The following PPFIBP1 variants were observed in gnomAD, a reference collection of about 807,000 sequenced individuals.
PPFIBP1 encodes liprin-beta-1.
PPFIBP1 carries 112 observed loss-of-function variants against 137.8 expected under a neutral mutation model. That is an observed-to-expected ratio of 0.81 (90% CI 0.70 to 0.95). The LOEUF (loss-of-function observed/expected upper bound fraction) is 0.95. PPFIBP1 is among the 40% of genes least tolerant of loss of function. PPFIBP1 has a pLI of 0.00. For synonymous variants in PPFIBP1, 378 were observed against 417.3 expected (o/e 0.91, Z 1.15); for missense variants, 1,083 against 1,196.6 (o/e 0.91, Z 1.40).
intron 1 of PPFIBP1, among the ~76,000 whole-genome samples, chr12:27,570,301 A>G (rs1166910101): frequency 6.6e-6 from 1 of 152,190 alleles, no homozygotes; most frequent in Non-Finnish European, 1.5e-5. Flanking sequence ...CCCTAATAAT[A>G]AAATAGCTGG....
At chr12:27,685,883 A>G (rs2140455232) in intron 24 of PPFIBP1, among the ~76,000 whole-genome samples, 1 of 152,328 alleles carries the variant, frequency 6.6e-6, no homozygotes, top group South Asian at 2.1e-4. Flanking sequence ...TAAAATAAAA[A>G]GTTTTAAAAA....
chr12:27,688,595 T>C (rs1260700407), intron 26 of PPFIBP1, among the ~76,000 whole-genome samples, 172 bp downstream of exon 26: 5 of 152,274 alleles, frequency 3.3e-5, no homozygotes, highest in Non-Finnish European at 7.3e-5. Flanking sequence ...CTTATAACTC[T>C]AGATTGAATT....
At chr12:27,548,330 G>T (rs1350732216) in intron 1 of PPFIBP1, 1 of 152,190 alleles carries the variant, frequency 6.6e-6, no homozygotes, top group Non-Finnish European at 1.5e-5. Flanking sequence ...CTTCCAGGGG[G>T]CCCTGGGGAT....
Position 27,673,813 on chromosome 12 carries a change from G to A in PPFIBP1, c.1366G>A (p.Glu456Lys). 1 of 1,613,628 alleles carries A rather than the reference G, an allele frequency of 6.2e-7. No individual in the cohort carries two copies. The highest frequency in any genetic ancestry group is 8.5e-7 in the Non-Finnish European group (1 of 1,179,680). ...CAGCAGCCTGGGCAATCTGAAGAAA[G>A]AGACATCTGATGGGGTGGGTTCTGT... ...KSSSLGNLKKETSDGEKETIQ... is the reference protein window; with the variant it reads ...KSSSLGNLKKKTSDGEKETIQ... Residue 456 changes from glutamate (E) to lysine (K), a missense_variant, in exon 16 of 30, where the codon GAG (glutamate) becomes AAG (lysine). Physicochemically the swap from Glu to Lys is moderately conservative, Grantham distance 56 (BLOSUM62 1). Transcript: ENST00000228425.
intron 1 of PPFIBP1, among the ~76,000 whole-genome samples, chr12:27,530,354 T>A (rs7969853): frequency 0.029 from 4,421 of 152,168 alleles, 146 homozygotes; most frequent in African/African-American, 0.083. Flanking sequence ...GAACCTGTGA[T>A]CTTGCCAGGG....
Position 27,691,787 on chromosome 12 carries a change from A to G in PPFIBP1, c.2724A>G (p.Arg908=). The G allele has an allele frequency of 6.2e-7, 1 of 1,611,644 alleles. No homozygotes were observed. The highest frequency in any genetic ancestry group is 1.3e-5 in the African/African-American group (1 of 75,002). The stretch of plus-strand genomic sequence containing the variant: ...CCTTTAGCAATTTTGGGAATTTGAG[A>G]AAGAAGAAACAGGAAGATGGTGAAG... ...KLAFSNFGNL[R]KKKQEDGEEY... Residue 908 remains arginine (R), a synonymous_variant, in exon 28 of 30, where the codon AGA becomes AGG. Coordinates refer to ENST00000228425, the MANE Select transcript of PPFIBP1 (RefSeq NM_003622.4).
intron 1 of PPFIBP1, among the ~76,000 whole-genome samples, chr12:27,542,836 A>G (rs1945815724): frequency 6.6e-6 from 1 of 152,176 alleles, no homozygotes; most frequent in African/African-American, 2.4e-5. Context: ...TGTTTTGTCT[A>G]CGTGTTCATG....
intron 28 of PPFIBP1, among the ~76,000 whole-genome samples, 199 bp from the exon 29 acceptor site, chr12:27,692,392 G>C (rs1485793098): frequency 1.3e-5 from 2 of 152,224 alleles, no homozygotes; most frequent in Non-Finnish European, 2.9e-5. Context: ...CATTAGACTA[G>C]CTGTGTCAGT....
chr12:27,610,688 T>C (rs141096449), intron 2 of PPFIBP1, among the ~76,000 whole-genome samples: 21 of 152,316 alleles, frequency 1.4e-4, no homozygotes, highest in Non-Finnish European at 2.8e-4. Context: ...AAACTATCCA[T>C]CAATCATTAG....
intron 1 of PPFIBP1, among the ~76,000 whole-genome samples, chr12:27,544,917 A>G (rs1311406947): frequency 1.3e-5 from 2 of 152,244 alleles, no homozygotes; most frequent in Non-Finnish European, 2.9e-5. Context: ...TAATTTTACT[A>G]TAAAGATACA....
chr12:27,624,744 A>T (rs1409382150), intron 2 of PPFIBP1, among the ~76,000 whole-genome samples: 4 of 152,110 alleles, frequency 2.6e-5, no homozygotes, highest in East Asian at 3.9e-4. Context: ...TTTCCTGAAT[A>T]GCGTGTGCAT....
At chr12:27,555,494 T>C (rs1004784493) in intron 1 of PPFIBP1, among the ~76,000 whole-genome samples, 10 of 152,210 alleles carry the variant, frequency 6.6e-5, no homozygotes, top group African/African-American at 2.4e-4. Context: ...GCAAAAAAGG[T>C]TGCTACAGTT....
intron 1 of PPFIBP1, among the ~76,000 whole-genome samples, chr12:27,526,159 G>A (rs1393118763): frequency 6.6e-6 from 1 of 152,188 alleles, no homozygotes; most frequent in African/African-American, 2.4e-5. Flanking sequence ...GTGTTCCTTG[G>A]CTGATAGTGT....
chr12:27,691,725 T>G (rs747190570), intron 27 of PPFIBP1, 24 bp from the exon 28 acceptor site: 1 of 1,590,294 alleles, frequency 6.3e-7, no homozygotes, highest in East Asian at 2.2e-5. Context: ...CCTTTGGATG[T>G]TTTTGTTTGC....
intron 28 of PPFIBP1, 134 bp from the exon 29 acceptor site, chr12:27,692,457 A>G: frequency 1.3e-6 from 1 of 778,016 alleles, no homozygotes. Context: ...GGAGATTATC[A>G]CCAGAAGTGT....
intron 25 of PPFIBP1, 109 bp from the exon 26 acceptor site, chr12:27,688,189 C>T: frequency 8.0e-7 from 1 of 1,250,716 alleles, no homozygotes; most frequent in Non-Finnish European, 1.1e-6. Flanking sequence ...GAATTTTTCC[C>T]TTTCTTTTTG....
chr12:27,586,198 C>T (rs967319550), intron 2 of PPFIBP1, among the ~76,000 whole-genome samples: 1 of 152,124 alleles, frequency 6.6e-6, no homozygotes, highest in African/African-American at 2.4e-5. Context: ...GGATCCACAG[C>T]AAATAAGTGG....
Position 27,650,101 on chromosome 12 carries a change from AG to A in PPFIBP1, c.565del (p.Asp189ThrfsTer15). The A allele has an allele frequency of 6.2e-7, 1 of 1,609,080 alleles. No individual in the cohort carries two copies. Among genetic ancestry groups the A allele is most frequent in the South Asian group, 1.1e-5 (1 of 90,944 alleles). On this transcript the variant is annotated frameshift_variant, in exon 7 of 30. Transcript: ENST00000228425. LOFTEE classifies it high-confidence loss of function. ...NLKLKLTAVE[K>X]DRLDYEDKFR... ...AAGTTGAAACTGACAGCTGTAGAGAAGGACAGATTGGATTATGAAGATAAGT... is the reference window on the plus strand; with the variant it reads ...AAGTTGAAACTGACAGCTGTAGAGAAGACAGATTGGATTATGAAGATAAGT...
At chr12:27,657,409 C>G (rs1024629566) in intron 9 of PPFIBP1, among the ~76,000 whole-genome samples, 1 of 151,408 alleles carries the variant, frequency 6.6e-6, no homozygotes, top group Non-Finnish European at 1.5e-5. Context: ...TCTGACAACA[C>G]TAGGTTAAAT....
Sources: allele counts gnomAD v4.1 joint callset (sites outside exome capture counted in the v4.1 genomes callset), GRCh38; gene constraint gnomAD v4.1.1; transcripts MANE v1.5; gene names NCBI Gene and HGNC (gene_info 2026-07-23, HGNC 2026-07-21).